Variants in RORA observed in about 807,000 individuals in gnomAD.
RORA encodes RAR related orphan receptor A.
A neutral mutation model predicts 69.5 loss-of-function variants in RORA; 7 were observed. The ratio of observed to expected loss-of-function variants is 0.10; its 90% CI spans 0.06 to 0.19. The LOEUF is 0.19. Among genes scored for constraint, RORA ranks in the 10% least tolerant of loss-of-function variants. The pLI is 1.00. For missense variants in RORA, 457 were observed against 663.0 expected, an observed-to-expected ratio of 0.69 and a Z score of 3.41; for synonymous variants, 261 against 240.8, an observed-to-expected ratio of 1.08 and a Z score of -0.78.
At chr15:60,615,022 G>T (rs774208150) in intron 2 of RORA, 3 of 1,612,078 alleles carry the variant, frequency 1.9e-6, no homozygotes, top group South Asian at 2.2e-5. Flanking sequence ...GCTACAGGTT[G>T]AAGAGCTGTC....
chr15:60,597,591 T>A, intron 2 of RORA, among the ~76,000 whole-genome samples: 1 of 24,664 alleles, frequency 4.1e-5, no homozygotes, highest in South Asian at 2.2e-3. Flanking sequence ...TATATATATA[T>A]ATACACATAT....
At chr15:60,772,193 G>A (rs979698899) in intron 1 of RORA, among the ~76,000 whole-genome samples, 1 of 151,928 alleles carries the variant, frequency 6.6e-6, no homozygotes, top group Admixed American at 6.6e-5. Flanking sequence ...TTCTCCTAAC[G>A]CTATCCCTCC....
intron 2 of RORA, among the ~76,000 whole-genome samples, chr15:60,591,996 C>T (rs1372842277): frequency 5.3e-5 from 8 of 152,042 alleles, no homozygotes; most frequent in Non-Finnish European, 2.9e-5. Context: ...CGGGTGCGGG[C>T]CCTGGGGACC....
intron 1 of RORA, among the ~76,000 whole-genome samples, chr15:60,747,228 T>A (rs2071661581): frequency 6.6e-6 from 1 of 152,110 alleles, no homozygotes; most frequent in Admixed American, 6.5e-5. Context: ...AAGGGAGAGT[T>A]CAAAAAAAGT....
At chr15:60,593,647 T>C (rs1277958275) in intron 2 of RORA, among the ~76,000 whole-genome samples, 4 of 152,208 alleles carry the variant, frequency 2.6e-5, no homozygotes, top group East Asian at 3.8e-4. Context: ...AGGGTGTCTA[T>C]AGTACCGAGC....
At chr15:60,509,201 C>T (rs952618295) in intron 5 of RORA, among the ~76,000 whole-genome samples, 1 of 152,198 alleles carries the variant, frequency 6.6e-6, no homozygotes, top group African/African-American at 2.4e-5. Flanking sequence ...TCATGATACT[C>T]TTAGCTCCCT....
At chr15:60,909,197 G>A (rs1045719177) in intron 1 of RORA, among the ~76,000 whole-genome samples, 19 of 152,188 alleles carry the variant, frequency 1.2e-4, no homozygotes, top group African/African-American at 3.4e-4. Flanking sequence ...TATTCAGACT[G>A]CAAGGACACT....
chr15:60,886,447 GA>G (rs2073751259), intron 1 of RORA, among the ~76,000 whole-genome samples: 1 of 152,158 alleles, frequency 6.6e-6, no homozygotes, highest in African/African-American at 2.4e-5. Context: ...ACCAAGTGCA[GA>G]AATATCCCAC....
intron 1 of RORA, among the ~76,000 whole-genome samples, chr15:60,992,353 C>T (rs181641527): frequency 7.7e-4 from 117 of 151,936 alleles, no homozygotes; most frequent in African/African-American, 2.5e-3. Flanking sequence ...CTGGCACTTA[C>T]GGAGGGAAAT....
At chr15:60,515,355 C>G (rs1000553101) in intron 3 of RORA, among the ~76,000 whole-genome samples, 9 of 152,302 alleles carry the variant, frequency 5.9e-5, no homozygotes, top group Non-Finnish European at 1.2e-4. Context: ...TCCCTCATCC[C>G]TGGCAGTTTA....
Position 60,500,969 on chromosome 15 carries a change from C to T in RORA, c.1284G>A (p.Leu428=), listed in dbSNP as rs1205905666. 6.4e-7 allele frequency: 1 copy of T among 1,565,916 alleles called. No homozygotes were observed. The highest frequency in any genetic ancestry group is 1.7e-5 in the Admixed American group (1 of 59,160). Residue 428 remains leucine, a synonymous_variant, in exon 9 of 11, where the codon CTG becomes CTA. Coordinates refer to ENST00000335670, the MANE Select transcript of RORA (RefSeq NM_134261.3). ...DEIALFSAFV[L]MSADRSWLQE... is the part of the protein sequence containing the mutation. ...ATTTGGTTGTCTTACCTGCTGACATCAGTACAAATGCAGAAAATAATGCAA... is the reference window on the plus strand; with the variant it reads ...ATTTGGTTGTCTTACCTGCTGACATTAGTACAAATGCAGAAAATAATGCAA...
chr15:60,875,061 G>C (rs1035707584), intron 1 of RORA, among the ~76,000 whole-genome samples: 18 of 152,080 alleles, frequency 1.2e-4, no homozygotes, highest in Admixed American at 2.6e-4. Context: ...CTGAGACTCA[G>C]AGAGGTGACA....
At chr15:60,541,441 G>C (rs2066869032) in intron 2 of RORA, among the ~76,000 whole-genome samples, 1 of 152,194 alleles carries the variant, frequency 6.6e-6, no homozygotes, top group Non-Finnish European at 1.5e-5. Context: ...CTTTAAACTT[G>C]CTGATTAAAG....
intron 1 of RORA, among the ~76,000 whole-genome samples, chr15:60,755,481 A>G (rs946392968): frequency 6.6e-6 from 1 of 152,164 alleles, no homozygotes; most frequent in East Asian, 1.9e-4. Flanking sequence ...ATGATTTATA[A>G]TCCTTTGGGT....
chr15:60,603,546 G>C (rs2068868982), intron 2 of RORA, among the ~76,000 whole-genome samples: 1 of 152,228 alleles, frequency 6.6e-6, no homozygotes, highest in Non-Finnish European at 1.5e-5. Flanking sequence ...AGAGGAAATA[G>C]AGGGTTAAGT....
intron 2 of RORA, among the ~76,000 whole-genome samples, chr15:60,543,654 T>C (rs1377511361): frequency 6.6e-6 from 1 of 151,952 alleles, no homozygotes; most frequent in African/African-American, 2.4e-5. Context: ...TTTTTTTATA[T>C]TTTTTTCAGT....
rs2071215470 is a variant in RORA at position 60,716,114 on chromosome 15, G to A, written c.167-37428C>T. 5.3e-5 allele frequency among the ~76,000 whole-genome samples: 8 copies of A among 152,126 alleles called. 1 individual carries two copies. The South Asian group carries it at 1.7e-3, about 32-fold the overall frequency. ...ATTCTGATTCAGTAGGTCTGGGGTG[G>A]GCCCTGAGATTCTACACTTCTTATA... On this transcript the variant is annotated intron_variant, in intron 1 of 10. Transcript: ENST00000335670.
In RORA at chr15:60,495,354, A is replaced by G. The variant is rs193189809; in HGVS notation, c.*2101T>C. The G allele has an allele frequency of 9.2e-5, 14 of 152,348 alleles. No homozygotes were observed. In the East Asian group the frequency reaches 2.1e-3, roughly 23 times the overall value. 9.4% of individuals were successfully genotyped at this position (152,348 alleles called of 1,614,324 possible). On this transcript the variant is annotated 3_prime_UTR_variant, in exon 11 of 11. Coordinates refer to ENST00000335670, the MANE Select transcript of RORA (RefSeq NM_134261.3). ...TCTCTATAAACACATAAAATTTTAC[A>G]TGCCTGTAAGAAATTTAAAGGAATA...
intron 1 of RORA, among the ~76,000 whole-genome samples, chr15:60,943,457 C>A (rs1892762448): frequency 6.6e-6 from 1 of 151,984 alleles, no homozygotes; most frequent in Non-Finnish European, 1.5e-5. Flanking sequence ...ATTTCTTGAT[C>A]AGGGTTTTGA....
Sources: allele counts gnomAD v4.1 joint callset (sites outside exome capture counted in the v4.1 genomes callset), GRCh38; gene constraint gnomAD v4.1.1; transcripts MANE v1.5; gene names NCBI Gene and HGNC (gene_info 2026-07-23, HGNC 2026-07-21).